ADCY1: variants seen among roughly 807,000 people sequenced by gnomAD.
ADCY1 encodes the protein adenylate cyclase 1.
A neutral mutation model predicts 105.4 loss-of-function variants in ADCY1; 28 were observed. The observed-to-expected ratio is 0.27, with a 90% confidence interval of 0.20 to 0.36. The LOEUF is 0.36. Ranked by LOEUF, ADCY1 falls within the 10% of genes least tolerant of loss-of-function variation. ADCY1 has a pLI of 1.00. For missense variants in ADCY1, 977 were observed against 1,434.2 expected, an observed-to-expected ratio of 0.68 and a Z score of 5.15; for synonymous variants, 655 against 623.8, an observed-to-expected ratio of 1.05 and a Z score of -0.75.
chr7:45,592,376 A>G (rs1483145761), intron 1 of ADCY1, among the ~76,000 whole-genome samples: 2 of 152,056 alleles, frequency 1.3e-5, no homozygotes, highest in East Asian at 3.9e-4. Context: ...CTCCCTTCTT[A>G]TAAGGACACC....
chr7:45,600,715 TG>T (rs1252946973), intron 2 of ADCY1, among the ~76,000 whole-genome samples: 1 of 152,118 alleles, frequency 6.6e-6, no homozygotes, highest in Non-Finnish European at 1.5e-5. Context: ...AAGATCAAGG[TG>T]TTGTCAGGGC....
chr7:45,610,300 C>T (rs1356446905), intron 2 of ADCY1, 79 bp from the exon 3 acceptor site: 101 of 1,339,720 alleles, frequency 7.5e-5, no homozygotes, highest in Non-Finnish European at 3.2e-6. Context: ...GCCCGGCGCC[C>T]TTACTGGGGA....
At chr7:45,644,117 CA>C (rs1794594980) in intron 4 of ADCY1, among the ~76,000 whole-genome samples, 1 of 152,210 alleles carries the variant, frequency 6.6e-6, no homozygotes, top group South Asian at 2.1e-4. Flanking sequence ...CACTTTCGGG[CA>C]AAAACTGGAT....
intron 8 of ADCY1, chr7:45,664,693 G>GTTT: frequency 4.7e-6 from 1 of 213,134 alleles, no homozygotes; most frequent in East Asian, 1.1e-4. Context: ...TTGGTTGCTT[G>GTTT]TTTTTTTTTT....
chr7:45,655,838 T>C (rs2471226), intron 5 of ADCY1, among the ~76,000 whole-genome samples: 38,949 of 152,008 alleles, frequency 0.26, 5,212 homozygotes, highest in African/African-American at 0.34. Context: ...GCACAAACAC[T>C]AACAGTGCAC....
At chr7:45,596,323 A>T (rs1793070875) in intron 2 of ADCY1, among the ~76,000 whole-genome samples, 1 of 150,968 alleles carries the variant, frequency 6.6e-6, no homozygotes, top group Non-Finnish European at 1.5e-5. Flanking sequence ...ATGGGAGTGG[A>T]TTGGGGGATG....
intron 2 of ADCY1, among the ~76,000 whole-genome samples, chr7:45,597,719 T>C (rs942319621): frequency 6.6e-6 from 1 of 152,158 alleles, no homozygotes. Flanking sequence ...AACATTCTTA[T>C]GAGGGGAAAT....
chr7:45,694,278 A>T (rs543447763), intron 14 of ADCY1, among the ~76,000 whole-genome samples: 1 of 152,334 alleles, frequency 6.6e-6, no homozygotes, highest in South Asian at 2.1e-4. Flanking sequence ...AATCATACAA[A>T]GTATGTTCCT....
chr7:45,612,866 C>G (rs1372100221), intron 3 of ADCY1, among the ~76,000 whole-genome samples: 4 of 152,120 alleles, frequency 2.6e-5, no homozygotes, highest in Non-Finnish European at 5.9e-5. Flanking sequence ...CTACTCACCC[C>G]CTTCCCAGCA....
chr7:45,609,614 A>C (rs990727292), intron 2 of ADCY1, among the ~76,000 whole-genome samples: 3 of 152,046 alleles, frequency 2.0e-5, no homozygotes, highest in Non-Finnish European at 4.4e-5. Context: ...GGACTGAGGG[A>C]TGAGTCGGGG....
At chr7:45,711,858 T>G (rs1236159444) in intron 19 of ADCY1, among the ~76,000 whole-genome samples, 1 of 101,858 alleles carries the variant, frequency 9.8e-6, no homozygotes, top group Non-Finnish European at 2.0e-5. Flanking sequence ...TAATATTAAT[T>G]TTATTAATAT....
At chr7:45,711,609 A>ATG (rs1785231821) in intron 19 of ADCY1, among the ~76,000 whole-genome samples, 2 of 8,954 alleles carry the variant, frequency 2.2e-4, no homozygotes, top group East Asian at 5.2e-3. Flanking sequence ...TTCGTGCTGT[A>ATG]TATATATATA....
chr7:45,598,135 A>G (rs1332263954), intron 2 of ADCY1, among the ~76,000 whole-genome samples: 2 of 152,206 alleles, frequency 1.3e-5, no homozygotes, highest in African/African-American at 4.8e-5. Context: ...TAGGAATGTA[A>G]GGACTTTATT....
intron 4 of ADCY1, among the ~76,000 whole-genome samples, chr7:45,641,762 TA>T (rs1423453707): frequency 2.1e-5 from 3 of 143,606 alleles, no homozygotes; most frequent in Admixed American, 1.4e-4. Flanking sequence ...CCGTCTCTAC[TA>T]AAAATACAAA....
chr7:45,678,873 G>A (rs1338392427), intron 10 of ADCY1, among the ~76,000 whole-genome samples: 1 of 149,094 alleles, frequency 6.7e-6, no homozygotes, highest in Admixed American at 6.9e-5. Flanking sequence ...ATGACATAGT[G>A]AGACTTTGTC....
chr7:45,670,231 G>A (rs1784337521), intron 8 of ADCY1, among the ~76,000 whole-genome samples: 1 of 152,076 alleles, frequency 6.6e-6, no homozygotes, highest in Admixed American at 6.5e-5. Flanking sequence ...GGCTGTTCCT[G>A]GTACATTTTC....
chr7:45,601,723 T>A (rs1481131704), intron 2 of ADCY1, among the ~76,000 whole-genome samples: 1 of 152,148 alleles, frequency 6.6e-6, no homozygotes, highest in Non-Finnish European at 1.5e-5. Flanking sequence ...TCTTTGTGTG[T>A]GCATCTCATA....
chr7:45,599,244 G>A (rs535987433), intron 2 of ADCY1, among the ~76,000 whole-genome samples: 10 of 152,184 alleles, frequency 6.6e-5, no homozygotes, highest in African/African-American at 2.4e-4. Context: ...TTGAATGCCA[G>A]CATCTCTTCT....
chr7:45,635,676 G>T (rs10258618), intron 4 of ADCY1, among the ~76,000 whole-genome samples: 4 of 117,552 alleles, frequency 3.4e-5, no homozygotes, highest in Admixed American at 9.8e-5. Context: ...ATATTTCAAA[G>T]ATCTTGTTTT....
Sources: gnomAD v4.1 joint callset for allele counts (sites outside exome capture counted in the v4.1 genomes callset) on GRCh38, gnomAD v4.1.1 for gene constraint, MANE v1.5 for transcripts, NCBI Gene and HGNC (gene_info 2026-07-23, HGNC 2026-07-21) for gene names.